The following EMILIN2 variants were observed in gnomAD, a reference collection of about 807,000 sequenced individuals.
EMILIN2 encodes EMILIN-2.
A neutral mutation model predicts 87.1 loss-of-function variants in EMILIN2; 71 were observed. That is an observed-to-expected ratio of 0.82 (90% CI 0.67 to 0.99). The LOEUF (loss-of-function observed/expected upper bound fraction) is 0.99, where lower values mean the gene tolerates loss of function less well. EMILIN2 is among the 50% of genes least tolerant of loss of function. The probability of loss-of-function intolerance (pLI) is 0.00; values close to 1 mark genes in which losing one functional copy is unlikely to be tolerated. For missense variants in EMILIN2, 1,407 were observed against 1,371.8 expected, an observed-to-expected ratio of 1.03 and a Z score of -0.40; for synonymous variants, 581 against 563.4, an observed-to-expected ratio of 1.03 and a Z score of -0.44.
chr18:2,858,162 AT>A (rs891413434), intron 2 of EMILIN2, among the ~76,000 whole-genome samples: 7 of 150,450 alleles, frequency 4.7e-5, no homozygotes, highest in South Asian at 2.1e-4. Flanking sequence ...TTTCTTTTTT[AT>A]TTTTTTTTAT....
intron 4 of EMILIN2, among the ~76,000 whole-genome samples, chr18:2,904,961 G>A (rs969804996): frequency 7.2e-5 from 11 of 152,164 alleles, no homozygotes; most frequent in African/African-American, 2.2e-4. Context: ...GCAGACTTTC[G>A]CTTAGTGTTT....
In EMILIN2 at chr18:2,910,200, C is replaced by T. The variant is rs74919176; in HGVS notation, c.2824+381C>T. On this transcript the variant is annotated intron_variant, in intron 7 of 7. Coordinates refer to ENST00000254528, the MANE Select transcript of EMILIN2 (RefSeq NM_032048.3). ...CACCCCTCTCTCAGGCTCCGACAGTCATCCTGACAACCTGGGCCAGGACAA... is the reference window on the plus strand; with the variant it reads ...CACCCCTCTCTCAGGCTCCGACAGTTATCCTGACAACCTGGGCCAGGACAA... 5.7e-3 allele frequency among the ~76,000 whole-genome samples: 863 copies of T among 152,260 alleles called. 7 individuals are homozygous for T. The highest frequency in any genetic ancestry group is 0.01 in the Middle Eastern group (3 of 292).
At chr18:2,855,605 C>G (rs62074986) in intron 2 of EMILIN2, among the ~76,000 whole-genome samples, 48,387 of 152,042 alleles carry the variant, frequency 0.32, 8,103 homozygotes, top group African/African-American at 0.43. Flanking sequence ...GCAGGTGGGG[C>G]CAGGCTGCAG....
chr18:2,873,750 A>C (rs1598491640), intron 2 of EMILIN2, among the ~76,000 whole-genome samples: 3 of 152,106 alleles, frequency 2.0e-5, no homozygotes, highest in Admixed American at 2.0e-4. Flanking sequence ...AATGGAAAAA[A>C]TCGTGAACAG....
chr18:2,876,533 G>A (rs1017361229), intron 2 of EMILIN2, among the ~76,000 whole-genome samples: 6 of 147,888 alleles, frequency 4.1e-5, no homozygotes, highest in East Asian at 2.0e-4. Flanking sequence ...TTGGGAGGCC[G>A]AGGTGGGTGG....
chr18:2,851,993 C>G (rs939826765), intron 2 of EMILIN2, among the ~76,000 whole-genome samples: 1 of 152,178 alleles, frequency 6.6e-6, no homozygotes, highest in Non-Finnish European at 1.5e-5. Context: ...CAGGGCTTTG[C>G]GGACTGCCCT....
intron 2 of EMILIN2, among the ~76,000 whole-genome samples, chr18:2,882,165 A>G (rs2076780232): frequency 6.6e-6 from 1 of 152,230 alleles, no homozygotes; most frequent in Non-Finnish European, 1.5e-5. Context: ...GAAAATGTAT[A>G]GTAGGGCCTT....
intron 2 of EMILIN2, among the ~76,000 whole-genome samples, chr18:2,873,686 G>A (rs541449952): frequency 7.2e-5 from 11 of 152,020 alleles, no homozygotes; most frequent in South Asian, 2.1e-4. Flanking sequence ...CAGCCTGGGC[G>A]ACAGAGCAAG....
At position 2,847,812 on chromosome 18, in the gene EMILIN2, C is replaced by G; in HGVS notation, c.138C>G (p.Asn46Lys). ...YPARPSARNK[N>K]WCAYIVNKNV... ...CCCTCTCTCTCCTGCACCCCAGGAA[C>G]TGGTGCGCCTACATCGTGAACAAGA... The change falls in exon 2 of 8, where the codon AAC becomes AAG. Residue 46 changes from asparagine to lysine, a missense_variant. Asn to Lys is a moderately conservative substitution (Grantham distance 94). Transcript: ENST00000254528. This position sits in a 1 kb window ranked among gnomAD's most constrained non-coding sequence, Gnocchi z 4.5. The G allele has an allele frequency of 1.2e-6, 2 of 1,613,174 alleles. No individual in the cohort carries two copies. Among genetic ancestry groups the G allele is most frequent in the Non-Finnish European group, 1.7e-6 (2 of 1,179,786 alleles).
intron 2 of EMILIN2, among the ~76,000 whole-genome samples, chr18:2,870,843 C>A (rs1451961317): frequency 6.6e-6 from 1 of 152,218 alleles, no homozygotes; most frequent in East Asian, 1.9e-4. Flanking sequence ...TGTTCCAGGC[C>A]TCTCTCCATG....
chr18:2,870,310 G>A (rs2076713286), intron 2 of EMILIN2, among the ~76,000 whole-genome samples: 1 of 152,190 alleles, frequency 6.6e-6, no homozygotes, highest in South Asian at 2.1e-4. Flanking sequence ...GGAAAATGTT[G>A]GATTAAGGAT....
At chr18:2,855,885 C>T (rs1216790785) in intron 2 of EMILIN2, among the ~76,000 whole-genome samples, 2 of 152,186 alleles carry the variant, frequency 1.3e-5, no homozygotes, top group Non-Finnish European at 2.9e-5. Flanking sequence ...GCAGGCACGT[C>T]TGGTGAACAC....
At chr18:2,849,073 C>G (rs1218329520) in intron 2 of EMILIN2, among the ~76,000 whole-genome samples, 2 of 152,152 alleles carry the variant, frequency 1.3e-5, no homozygotes, top group Non-Finnish European at 2.9e-5. Flanking sequence ...CAGTGGAAAA[C>G]GCTGAAATTG....
At chr18:2,878,147 A>G (rs1053357318) in intron 2 of EMILIN2, among the ~76,000 whole-genome samples, 6 of 152,226 alleles carry the variant, frequency 3.9e-5, no homozygotes, top group African/African-American at 1.2e-4. Flanking sequence ...TAACAACGTT[A>G]AGTGTGCTTA....
At position 2,915,932 on chromosome 18, in the gene EMILIN2, G is replaced by A. The variant is rs750205110; in HGVS notation, c.*2528G>A. ...AAACCTCCATGTAACACTAACAAAT[G>A]GCCTCATTTACACGATTAAAAACAA... On this transcript the variant is annotated 3_prime_UTR_variant, in exon 8 of 8. Transcript: ENST00000254528. 6.6e-5 allele frequency: 10 copies of A among 152,132 alleles called. No individual in the cohort carries two copies. The highest frequency in any genetic ancestry group is 1.4e-4 in the African/African-American group (6 of 41,416). The allele number at this position is 152,132 out of a possible 1,614,324, so 9.4% of individuals were successfully genotyped here.
chr18:2,904,765 G>T (rs1167944080), intron 4 of EMILIN2, among the ~76,000 whole-genome samples: 2 of 152,130 alleles, frequency 1.3e-5, no homozygotes, highest in Non-Finnish European at 2.9e-5. Context: ...CACACAGGCG[G>T]CTTTCCTCAT....
rs1035971001 is a variant in EMILIN2, at chr18:2,914,790, C to A, written c.*1386C>A. ...GACACTTCAGAGTTCCTTATTTACT[C>A]CCCCCGCCACAGCTAGGAAGACCAG... On this transcript the variant is annotated 3_prime_UTR_variant, in exon 8 of 8. Transcript: ENST00000254528. 7 of 152,124 alleles carry A rather than the reference C, an allele frequency of 4.6e-5. No homozygotes were observed. The highest frequency in any genetic ancestry group is 2.1e-4 in the South Asian group (1 of 4,824). 9.4% of individuals were successfully genotyped at this position (152,124 alleles called of 1,614,324 possible).
chr18:2,860,271 TAC>T (rs2076653910), intron 2 of EMILIN2, among the ~76,000 whole-genome samples: 1 of 152,142 alleles, frequency 6.6e-6, no homozygotes, highest in South Asian at 2.1e-4. Flanking sequence ...AGTTTTAGGG[TAC>T]ATGTGCACAA....
chr18:2,878,925 AG>A (rs911700674), intron 2 of EMILIN2, among the ~76,000 whole-genome samples: 7 of 152,174 alleles, frequency 4.6e-5, no homozygotes, highest in African/African-American at 1.7e-4. Context: ...AGTGTCCCCA[AG>A]GGGGCAACGG....
Sources: allele counts gnomAD v4.1 joint callset (sites outside exome capture counted in the v4.1 genomes callset), GRCh38; gene constraint gnomAD v4.1.1; non-coding constraint Gnocchi (gnomAD v3.1); transcripts MANE v1.5; gene names NCBI Gene and HGNC (gene_info 2026-07-23, HGNC 2026-07-21).